Variants in ZNF346 observed in about 807,000 individuals in gnomAD.
ZNF346 encodes the protein double-stranded RNA-binding zinc finger protein JAZ.
A neutral mutation model predicts 33.7 loss-of-function variants in ZNF346; 23 were observed. That is an observed-to-expected ratio of 0.68 (90% CI 0.49 to 0.97). ZNF346 has a LOEUF of 0.97. Ranked by LOEUF, ZNF346 falls within the 50% of genes least tolerant of loss-of-function variation. ZNF346 has a pLI of 0.00. For synonymous variants in ZNF346, 134 were observed against 142.4 expected (o/e 0.94, Z 0.42); for missense variants, 340 against 371.1 (o/e 0.92, Z 0.69).
chr5:177,052,495 A>T, intron 5 of ZNF346: 1 of 152,132 alleles, frequency 6.6e-6, no homozygotes, highest in East Asian at 1.9e-4. Context: ...AAAAAAAAAA[A>T]ACTATTTTTA....
chr5:177,061,993 A>G (rs1782607654), intron 5 of ZNF346, 65 bp from the exon 6 acceptor site: 1 of 1,449,830 alleles, frequency 6.9e-7, no homozygotes, highest in Admixed American at 1.7e-5. Flanking sequence ...GTACACTCTG[A>G]AAAGCAACGG....
At chr5:177,051,560 A>T (rs1780905754) in intron 5 of ZNF346, among the ~76,000 whole-genome samples, 2 of 150,928 alleles carry the variant, frequency 1.3e-5, no homozygotes, top group African/African-American at 4.9e-5. Context: ...GTTTTTTGAG[A>T]TGGAGTCTCC....
intron 5 of ZNF346, among the ~76,000 whole-genome samples, chr5:177,054,627 C>T (rs1016366432): frequency 1.3e-5 from 2 of 151,138 alleles, no homozygotes; most frequent in African/African-American, 4.9e-5. Flanking sequence ...TCTTGAACTC[C>T]TGACCTTGTG....
intron 1 of ZNF346, 142 bp downstream of exon 1, chr5:177,023,055 C>A: frequency 7.0e-7 from 1 of 1,438,114 alleles, no homozygotes; most frequent in Non-Finnish European, 9.4e-7. Context: ...GCTCCCCATC[C>A]GGGCGCGGGC....
At chr5:177,060,160 C>T (rs10070143) in intron 5 of ZNF346, among the ~76,000 whole-genome samples, 21,429 of 152,122 alleles carry the variant, frequency 0.14, 3,217 homozygotes, top group African/African-American at 0.38. Flanking sequence ...CTGGTTCCAG[C>T]GTGAGGAGGT....
chr5:177,035,292 C>T (rs1206779103), intron 1 of ZNF346, among the ~76,000 whole-genome samples: 1 of 152,196 alleles, frequency 6.6e-6, no homozygotes, highest in Non-Finnish European at 1.5e-5. Context: ...GTTGGGATTA[C>T]AGGCTGAGCC....
downstream of ZNF346, among the ~76,000 whole-genome samples, chr5:177,072,044 C>A (rs1783533660): frequency 6.6e-6 from 1 of 152,212 alleles, no homozygotes; most frequent in Non-Finnish European, 1.5e-5. Context: ...TTTTTTCTAG[C>A]AAGGTAGACC....
At chr5:177,064,235 A>G (rs1035355421) in intron 6 of ZNF346, among the ~76,000 whole-genome samples, 2 of 152,216 alleles carry the variant, frequency 1.3e-5, no homozygotes, top group African/African-American at 4.8e-5. Flanking sequence ...TGAACCTACC[A>G]CCTAAAAACA....
At chr5:177,023,472 G>A (rs1776205441) in intron 1 of ZNF346, among the ~76,000 whole-genome samples, 1 of 152,182 alleles carries the variant, frequency 6.6e-6, no homozygotes, top group Non-Finnish European at 1.5e-5. Context: ...GGGACAAGGA[G>A]CCTGAGAAAC....
intron 1 of ZNF346, among the ~76,000 whole-genome samples, chr5:177,031,557 G>A (rs1777702405): frequency 6.6e-6 from 1 of 152,070 alleles, no homozygotes; most frequent in Non-Finnish European, 1.5e-5. Flanking sequence ...TCAACAGTTT[G>A]TGATGTGTCT....
chr5:177,036,821 T>C (rs1243602517), intron 1 of ZNF346, among the ~76,000 whole-genome samples: 2 of 152,146 alleles, frequency 1.3e-5, no homozygotes, highest in Admixed American at 1.3e-4. Flanking sequence ...TCTACACCGA[T>C]TGCAGGAAGG....
intron 1 of ZNF346, among the ~76,000 whole-genome samples, chr5:177,033,209 C>T (rs1777977875): frequency 6.6e-6 from 1 of 152,066 alleles, no homozygotes; most frequent in African/African-American, 2.4e-5. Flanking sequence ...CCCTAGTAAC[C>T]AGCACTACAG....
At chr5:177,041,373 T>C (rs1779315520) in intron 2 of ZNF346, 144 bp downstream of exon 2, 3 of 674,310 alleles carry the variant, frequency 4.4e-6, no homozygotes, top group Admixed American at 4.8e-5. Context: ...GACTTGAAGA[T>C]TGACTTAATC....
rs1283172849 is a variant in ZNF346, at chr5:177,077,463, T to C, written c.*3-1919T>C. On this transcript the variant is annotated intron_variant, in intron 8 of 8. Transcript: ENST00000503039. This position sits in a 1 kb window ranked among gnomAD's most constrained non-coding sequence, Gnocchi z 5.0. ...CTTGATCCGGGTGCACTCCAGCTCT[T>C]GGCCCTCTTGTTTCCTTTATTGCTG... is the stretch of plus-strand genomic sequence containing the variant. Among the ~76,000 whole-genome samples, 1 of 152,194 alleles carries C rather than the reference T, an allele frequency of 6.6e-6. No homozygotes were observed. Among genetic ancestry groups the C allele is most frequent in the Non-Finnish European group, 1.5e-5 (1 of 68,032 alleles).
In ZNF346 at chr5:177,058,738, C is replaced by T. The variant is rs560505473; in HGVS notation, c.704-3320C>T. Among the ~76,000 whole-genome samples the T allele has an allele frequency of 3.3e-5, 5 of 152,278 alleles. No homozygotes were observed. The South Asian group carries it at 8.3e-4, about 25-fold the overall frequency. On this transcript the variant is annotated intron_variant, in intron 5 of 6. Transcript: ENST00000358149. ...CAAACCTTACACTCCTTCCACCTGCCTCCAGCTCTCAGCATACTTGGCAGG... is the reference window on the plus strand; with the variant it reads ...CAAACCTTACACTCCTTCCACCTGCTTCCAGCTCTCAGCATACTTGGCAGG...
chr5:177,035,112 G>A (rs751954595), intron 1 of ZNF346, among the ~76,000 whole-genome samples: 2 of 151,994 alleles, frequency 1.3e-5, no homozygotes, highest in Non-Finnish European at 2.9e-5. Flanking sequence ...CACCTCCTGG[G>A]TTCAAGTGAT....
intron 6 of ZNF346, 97 bp downstream of exon 6, chr5:177,062,248 C>A: frequency 1.0e-6 from 1 of 972,480 alleles, no homozygotes; most frequent in South Asian, 1.4e-5. Context: ...AAATGGAATC[C>A]TGGCAGTCTT....
intron 1 of ZNF346, among the ~76,000 whole-genome samples, chr5:177,040,246 C>T (rs1220841528): frequency 4.6e-5 from 7 of 151,780 alleles, no homozygotes; most frequent in Non-Finnish European, 8.8e-5. Flanking sequence ...CTCTTCTCTT[C>T]TCAAAAAGGT....
At position 177,061,504 on chromosome 5, in the gene ZNF346, C is replaced by T. The variant is rs575709124; in HGVS notation, c.704-554C>T. Among the ~76,000 whole-genome samples, 5 of 152,312 alleles carry T rather than the reference C, an allele frequency of 3.3e-5. No homozygotes were observed. The East Asian group carries it at 7.7e-4, about 24-fold the overall frequency. Reference sequence around the variant, plus strand: ...GGATCTAGCTAAGATCACTTGAAAGCAGAACCAGCAGTTCAGTTCCCTATC... The same window carrying T: ...GGATCTAGCTAAGATCACTTGAAAGTAGAACCAGCAGTTCAGTTCCCTATC... On this transcript the variant is annotated intron_variant, in intron 5 of 6. Coordinates refer to ENST00000358149, the MANE Select transcript of ZNF346 (RefSeq NM_012279.4).
Sources: allele counts gnomAD v4.1 joint callset (sites outside exome capture counted in the v4.1 genomes callset), GRCh38; gene constraint gnomAD v4.1.1; non-coding constraint Gnocchi (gnomAD v3.1); transcripts MANE v1.5; gene names NCBI Gene and HGNC (gene_info 2026-07-23, HGNC 2026-07-21).